The following EYS variants were observed in gnomAD, a reference collection of about 807,000 sequenced individuals.
The protein encoded by EYS is EGF-like photoreceptor maintenance factor.
A neutral mutation model predicts 282.1 loss-of-function variants in EYS; 250 were observed. That is an observed-to-expected ratio of 0.89 (90% CI 0.80 to 0.98). The LOEUF is 0.98. Among genes scored for constraint, EYS ranks in the 50% least tolerant of loss-of-function variants. EYS has a pLI of 0.00. For missense variants in EYS, 4,016 were observed against 3,709.0 expected, an observed-to-expected ratio of 1.08 and a Z score of -2.15; for synonymous variants, 1,355 against 1,282.9, an observed-to-expected ratio of 1.06 and a Z score of -1.20.
chr6:64,986,856 A>AT (rs528910419), intron 14 of EYS, among the ~76,000 whole-genome samples: 27 of 150,120 alleles, frequency 1.8e-4, no homozygotes, highest in African/African-American at 6.5e-4. Flanking sequence ...TGTCTATTCC[A>AT]TTTATTATAT....
intron 28 of EYS, among the ~76,000 whole-genome samples, chr6:64,417,210 T>C (rs1774083589): frequency 6.6e-6 from 1 of 152,214 alleles, no homozygotes; most frequent in African/African-American, 2.4e-5. Context: ...CAAACATTTA[T>C]TGAGCACTTT....
chr6:63,979,387 C>A (rs1766989671), intron 35 of EYS, among the ~76,000 whole-genome samples: 1 of 151,872 alleles, frequency 6.6e-6, no homozygotes, highest in South Asian at 2.1e-4. Context: ...ATGAGAACAG[C>A]TAGAAGCATA....
chr6:64,085,051 G>C (rs1266868824), intron 31 of EYS, among the ~76,000 whole-genome samples: 1 of 151,816 alleles, frequency 6.6e-6, no homozygotes, highest in Non-Finnish European at 1.5e-5. Context: ...TTGTTCTTTT[G>C]CACAGGCTGC....
intron 30 of EYS, among the ~76,000 whole-genome samples, chr6:64,294,789 T>A (rs1038368193): frequency 3.9e-5 from 6 of 152,322 alleles, no homozygotes; most frequent in African/African-American, 9.6e-5. Flanking sequence ...CACTTTAATT[T>A]AAAAAATTAA....
At position 65,706,201 on chromosome 6, in the gene EYS, C is replaced by T. The variant is rs115963905; in HGVS notation, c.-448+934G>A. 5.3e-3 allele frequency among the ~76,000 whole-genome samples: 755 copies of T among 142,374 alleles called. 5 individuals are homozygous for T. Among genetic ancestry groups the T allele is most frequent in the African/African-American group, 0.02 (712 of 36,204 alleles). 93.4% of individuals were successfully genotyped at this position (142,374 alleles called of 152,430 possible). ...TAGATGATATGAGTATATATATGAG[C>T]ATATATACACATGAGTATATATATC... On this transcript the variant is annotated intron_variant, in intron 1 of 42. Transcript: ENST00000503581.
chr6:65,609,224 G>A (rs1185358551), intron 2 of EYS, among the ~76,000 whole-genome samples: 1 of 151,270 alleles, frequency 6.6e-6, no homozygotes, highest in Non-Finnish European at 1.5e-5. Flanking sequence ...ACCACTAAGA[G>A]ATAGGAATTT....
intron 19 of EYS, among the ~76,000 whole-genome samples, chr6:64,836,135 T>C (rs1765374693): frequency 6.6e-6 from 1 of 151,346 alleles, no homozygotes. Context: ...CATACATACA[T>C]TGGCACTTTC....
At chr6:64,169,935 C>T (rs528115261) in intron 31 of EYS, among the ~76,000 whole-genome samples, 27 of 152,130 alleles carry the variant, frequency 1.8e-4, no homozygotes, top group Non-Finnish European at 3.4e-4. Context: ...AAGATTAACA[C>T]TGGGTATTTA....
intron 13 of EYS, among the ~76,000 whole-genome samples, chr6:65,017,725 G>A (rs1385324928): frequency 6.6e-6 from 1 of 152,122 alleles, no homozygotes; most frequent in Admixed American, 6.5e-5. Context: ...AAACAATAAA[G>A]CTGTCTAAAC....
intron 19 of EYS, among the ~76,000 whole-genome samples, chr6:64,831,104 G>A (rs9360089): frequency 0.15 from 23,199 of 151,758 alleles, 2,023 homozygotes; most frequent in East Asian, 0.44. Context: ...CTTTCCCCTC[G>A]CAGGCATTGC....
At chr6:64,013,060 T>C (rs946972427) in intron 33 of EYS, among the ~76,000 whole-genome samples, 3 of 152,102 alleles carry the variant, frequency 2.0e-5, no homozygotes, top group African/African-American at 7.2e-5. Flanking sequence ...CAAATACACT[T>C]TATAATAAAT....
intron 12 of EYS, among the ~76,000 whole-genome samples, chr6:65,067,259 T>C (rs1468802647): frequency 6.6e-6 from 1 of 152,100 alleles, no homozygotes. Context: ...AAAATACATA[T>C]GTCTACACCC....
intron 18 of EYS, among the ~76,000 whole-genome samples, chr6:64,892,342 G>A (rs538221195): frequency 6.6e-4 from 100 of 151,852 alleles, no homozygotes; most frequent in South Asian, 5.2e-3. Context: ...ACATAACACA[G>A]AATGTTTTAA....
chr6:63,852,273 C>A (rs1207281821), intron 36 of EYS, among the ~76,000 whole-genome samples: 1 of 146,916 alleles, frequency 6.8e-6, no homozygotes, highest in East Asian at 2.0e-4. Context: ...ATCAAATATA[C>A]ACAATAAAAA....
At chr6:65,246,100 A>G (rs1273221431) in intron 12 of EYS, among the ~76,000 whole-genome samples, 1 of 152,072 alleles carries the variant, frequency 6.6e-6, no homozygotes, top group Non-Finnish European at 1.5e-5. Context: ...TTCTCATTCA[A>G]TCTTATTTTG....
intron 12 of EYS, among the ~76,000 whole-genome samples, chr6:65,180,238 T>C (rs898308267): frequency 6.6e-6 from 1 of 152,050 alleles, no homozygotes; most frequent in Non-Finnish European, 1.5e-5. Context: ...ATAAAGGGTA[T>C]TCAATTAGGA....
At chr6:64,653,038 T>C (rs1391136738) in intron 22 of EYS, among the ~76,000 whole-genome samples, 3 of 152,182 alleles carry the variant, frequency 2.0e-5, no homozygotes, top group Non-Finnish European at 2.9e-5. Flanking sequence ...AATAGGATCT[T>C]TGCCGATGAA....
intron 11 of EYS, among the ~76,000 whole-genome samples, chr6:65,309,808 G>A (rs1172419340): frequency 1.3e-5 from 2 of 152,090 alleles, no homozygotes; most frequent in South Asian, 2.1e-4. Context: ...TTAGCAGCAC[G>A]TCCAATTGAT....
At chr6:64,411,928 T>TATATGTTTATATATGCATGCATATAG (rs1773908603) in intron 28 of EYS, among the ~76,000 whole-genome samples, 1 of 151,600 alleles carries the variant, frequency 6.6e-6, no homozygotes. Flanking sequence ...CATGCATGTA[T>TATATGTTTATATATGCATGCATATAG]GTATATATGT....
Sources: gnomAD v4.1 joint callset for allele counts (sites outside exome capture counted in the v4.1 genomes callset) on GRCh38, gnomAD v4.1.1 for gene constraint, MANE v1.5 for transcripts, NCBI Gene and HGNC (gene_info 2026-07-23, HGNC 2026-07-21) for gene names.